The following B3GALNT1 variants were observed in gnomAD, a reference collection of about 807,000 sequenced individuals.
B3GALNT1 encodes the protein beta-1,3-N-acetylgalactosaminyltransferase 1 (Globoside blood group).
Under a neutral mutation model 27.3 loss-of-function variants are expected in B3GALNT1, and 17 were observed. That is an observed-to-expected ratio of 0.62 (90% CI 0.43 to 0.94). The LOEUF is 0.94. B3GALNT1 is among the 40% of genes least tolerant of loss of function. The pLI, the probability that B3GALNT1 is intolerant of heterozygous loss-of-function variation, is 0.00. For missense variants in B3GALNT1, 347 were observed against 390.0 expected (o/e 0.89, Z 0.93); for synonymous variants, 141 against 144.0 (o/e 0.98, Z 0.15).
At chr3:161,096,936 T>C (rs1409839921) in intron 4 of B3GALNT1, among the ~76,000 whole-genome samples, 3 of 152,182 alleles carry the variant, frequency 2.0e-5, no homozygotes, top group Admixed American at 6.5e-5. Context: ...AATTTTAGTA[T>C]ACGTGCTGCC....
At chr3:161,100,909 C>T (rs902620349) in intron 4 of B3GALNT1, among the ~76,000 whole-genome samples, 3 of 152,138 alleles carry the variant, frequency 2.0e-5, no homozygotes, top group South Asian at 2.1e-4. Flanking sequence ...AATTACAAAG[C>T]ACATTTCATG....
Position 161,086,676 on chromosome 3 carries a change from G to A in B3GALNT1, c.79C>T (p.Leu27Phe). 6.2e-7 allele frequency: 1 copy of A among 1,614,190 alleles called. No individual in the cohort carries two copies. The highest frequency in any genetic ancestry group is 8.5e-7 in the Non-Finnish European group (1 of 1,180,026). Residue 27 changes from leucine to phenylalanine, a missense_variant, in exon 5 of 5, where the codon CTC (leucine) becomes TTC (phenylalanine). Coordinates refer to ENST00000320474, the MANE Select transcript of B3GALNT1 (RefSeq NM_003781.4). ...SLKWSLLLLS[L>F]LSFFVMWYLS... ...TACCACATCACAAAGAAACTCAGGA[G>A]TGACAGCAGCAGGAGGCTCCATTTG... is the stretch of plus-strand genomic sequence containing the variant.
chr3:161,092,559 C>A (rs1452698671), intron 4 of B3GALNT1, among the ~76,000 whole-genome samples: 4 of 152,010 alleles, frequency 2.6e-5, no homozygotes, highest in African/African-American at 9.7e-5. Context: ...TAATTAACAG[C>A]TGCTAATTCA....
chr3:161,104,144 T>C, intron 2 of B3GALNT1, 175 bp downstream of exon 2: 1 of 379,626 alleles, frequency 2.6e-6, no homozygotes, highest in South Asian at 2.2e-5. Context: ...TATCTGTTAG[T>C]AATAAACGAT....
In B3GALNT1 at chr3:161,085,680, G is replaced by C; in HGVS notation, c.*79C>G. Reference sequence around the variant, plus strand: ...TAAGCCAGCACACTGACCTCCCCATGAATTTTCCACAGTACCTACTTTATT... The same window carrying C: ...TAAGCCAGCACACTGACCTCCCCATCAATTTTCCACAGTACCTACTTTATT... On this transcript the variant is annotated 3_prime_UTR_variant, in exon 5 of 5. Transcript: ENST00000320474. 1 of 1,534,432 alleles carries C rather than the reference G, an allele frequency of 6.5e-7. No individual in the cohort carries two copies. Among genetic ancestry groups the C allele is most frequent in the South Asian group, 1.1e-5 (1 of 88,766 alleles).
rs1434642300 is a variant in B3GALNT1, at chr3:161,086,655, A to G, written c.100T>C (p.Trp34Arg). The G allele has an allele frequency of 1.2e-6, 2 of 1,614,232 alleles. No individual in the cohort carries two copies. Among genetic ancestry groups the G allele is most frequent in the East Asian group, 2.2e-5 (1 of 44,884 alleles). The change falls in exon 5 of 5, where the codon TGG becomes CGG. Residue 34 changes from tryptophan to arginine, a missense_variant. By Grantham distance (101) the Trp-to-Arg change is moderately radical (BLOSUM62 -3). Coordinates refer to ENST00000320474, the MANE Select transcript of B3GALNT1 (RefSeq NM_003781.4). ...TTGTAGTGGGGAAGGCTGAGGTACC[A>G]CATCACAAAGAAACTCAGGAGTGAC... ...LLSLLSFFVM[W>R]YLSLPHYNVI...
intron 4 of B3GALNT1, among the ~76,000 whole-genome samples, chr3:161,093,744 A>G (rs1173179981): frequency 6.6e-6 from 1 of 152,188 alleles, no homozygotes; most frequent in Non-Finnish European, 1.5e-5. Flanking sequence ...CACACCTATA[A>G]TCCCAGGACT....
chr3:161,100,844 T>A (rs1008284224), intron 4 of B3GALNT1, among the ~76,000 whole-genome samples: 11 of 151,984 alleles, frequency 7.2e-5, no homozygotes, highest in Non-Finnish European at 1.3e-4. Flanking sequence ...TTTTTTTTTT[T>A]AAAGGCATAG....
intron 2 of B3GALNT1, chr3:161,103,928 C>T (rs34385057): frequency 0.023 from 4,256 of 186,762 alleles, 205 homozygotes; most frequent in African/African-American, 0.097. Flanking sequence ...GGTTTCACCA[C>T]GTTGGCCAAG....
chr3:161,092,388 A>G (rs552079922), intron 4 of B3GALNT1, among the ~76,000 whole-genome samples: 4 of 152,320 alleles, frequency 2.6e-5, no homozygotes, highest in Non-Finnish European at 5.9e-5. Context: ...AAATTCTAAA[A>G]CTACACACAA....
chr3:161,097,029 T>C lies in B3GALNT1; in HGVS notation c.-35+4110A>G, dbSNP rs571495581. Reference sequence around the variant, plus strand: ...CTAGACCCTCACCACTCAAAGTGCATGGGCACCACCTAGGAGTGTATTAGG... The same window carrying C: ...CTAGACCCTCACCACTCAAAGTGCACGGGCACCACCTAGGAGTGTATTAGG... On this transcript the variant is annotated intron_variant, in intron 4 of 4. Coordinates refer to ENST00000320474, the MANE Select transcript of B3GALNT1 (RefSeq NM_003781.4). Among the ~76,000 whole-genome samples, 9 of 152,344 alleles carry C rather than the reference T, an allele frequency of 5.9e-5. No homozygotes were observed. In the South Asian group the frequency reaches 1.4e-3, roughly 25 times the overall value.
chr3:161,088,643 G>A (rs900128270), intron 4 of B3GALNT1, among the ~76,000 whole-genome samples: 2 of 152,118 alleles, frequency 1.3e-5, no homozygotes, highest in Non-Finnish European at 2.9e-5. Flanking sequence ...CTCCTCACCT[G>A]GCTACTGGGC....
rs1051692086 is a variant in B3GALNT1, at chr3:161,101,181, A to G, written c.-77T>C. ...GTAGTCGGAGAGCACCACGTGATAG[A>G]GCAGCCAGCGGGAAGAGCCAACAGG... is the stretch of plus-strand genomic sequence containing the variant. On this transcript the variant is annotated 5_prime_UTR_variant, in exon 4 of 5. Coordinates refer to ENST00000320474, the MANE Select transcript of B3GALNT1 (RefSeq NM_003781.4). 13 of 1,289,758 alleles carry G rather than the reference A, an allele frequency of 1.0e-5. No homozygotes were observed. In the Admixed American group the frequency reaches 1.4e-4, roughly 14 times the overall value. The allele number at this position is 1,289,758 out of a possible 1,614,324, so 79.9% of individuals were successfully genotyped here.
chr3:161,104,455 C>T, intron 1 of B3GALNT1, 49 bp from the exon 2 acceptor site: 2 of 870,488 alleles, frequency 2.3e-6, no homozygotes, highest in East Asian at 1.3e-4. Context: ...TGCAAATCTC[C>T]CTCCTAAATC....
chr3:161,097,890 C>G (rs1419238777), intron 4 of B3GALNT1, among the ~76,000 whole-genome samples: 1 of 152,184 alleles, frequency 6.6e-6, no homozygotes, highest in African/African-American at 2.4e-5. Context: ...GAGCATACAG[C>G]TGGACATATA....
rs1200989003 is a variant in B3GALNT1 at position 161,084,485 on chromosome 3, A to C, written c.*1274T>G. ...TCCATCCTGTAATTCAGAGAAAAAG[A>C]ACCACTTGCCCTATATAAACTCTAA... On this transcript the variant is annotated 3_prime_UTR_variant, in exon 5 of 5. Transcript: ENST00000320474. 2 of 152,208 alleles carry C rather than the reference A, an allele frequency of 1.3e-5. No homozygotes were observed. The highest frequency in any genetic ancestry group is 2.4e-5 in the African/African-American group (1 of 41,462). 9.4% of individuals were successfully genotyped at this position (152,208 alleles called of 1,614,324 possible). A position where few individuals can be genotyped will look rare whatever the true frequency, so the allele number is the denominator to read the frequency against.
At chr3:161,095,040 C>G (rs1727362091) in intron 4 of B3GALNT1, among the ~76,000 whole-genome samples, 1 of 152,038 alleles carries the variant, frequency 6.6e-6, no homozygotes, top group East Asian at 1.9e-4. Context: ...CTATGTTACC[C>G]AAGCTGGTCT....
intron 4 of B3GALNT1, among the ~76,000 whole-genome samples, chr3:161,097,781 A>G (rs961311821): frequency 6.6e-6 from 1 of 152,198 alleles, no homozygotes; most frequent in Non-Finnish European, 1.5e-5. Flanking sequence ...AAAATACAAG[A>G]AATTTTTCCA....
At chr3:161,095,715 G>C (rs945807711) in intron 4 of B3GALNT1, among the ~76,000 whole-genome samples, 2 of 152,242 alleles carry the variant, frequency 1.3e-5, no homozygotes, top group African/African-American at 4.8e-5. Flanking sequence ...GAGTGCAGCT[G>C]CAAGGCTGGG....
Sources: allele counts gnomAD v4.1 joint callset (sites outside exome capture counted in the v4.1 genomes callset), GRCh38; gene constraint gnomAD v4.1.1; transcripts MANE v1.5; gene names NCBI Gene and HGNC (gene_info 2026-07-23, HGNC 2026-07-21).